The following TERF2IP variants were observed in gnomAD, a reference collection of about 807,000 sequenced individuals.
TERF2IP encodes the protein TERF2 interacting protein.
TERF2IP carries 35 observed loss-of-function variants against 33.3 expected under a neutral mutation model. The ratio of observed to expected loss-of-function variants is 1.05; its 90% CI spans 0.80 to 1.39. The LOEUF is 1.39. Among genes scored for constraint, TERF2IP ranks in the 40% most tolerant of loss-of-function variants. The pLI, the probability that TERF2IP is intolerant of heterozygous loss-of-function variation, is 0.00. For missense variants in TERF2IP, 583 were observed against 524.8 expected (o/e 1.11, Z -1.08); for synonymous variants, 253 against 223.2 (o/e 1.13, Z -1.19).
At position 75,647,935 on chromosome 16, in the gene TERF2IP, C is replaced by G; in HGVS notation, c.53C>G (p.Ser18Trp). The part of the protein sequence containing the change: ...GKDPNGPTHS[S>W]TLFVRDDGSS... ...GACCCCAACGGGCCCACCCATTCCT[C>G]GACTCTGTTCGTGAGGGACGACGGC... Residue 18 changes from serine (S) to tryptophan (W), a missense_variant, in exon 1 of 3, where the codon TCG (serine) becomes TGG (tryptophan). By Grantham distance (177) the Ser-to-Trp change is radical. Coordinates refer to ENST00000300086, the MANE Select transcript of TERF2IP (RefSeq NM_018975.4). 1 of 1,612,898 alleles carries G rather than the reference C, an allele frequency of 6.2e-7. No individual in the cohort carries two copies. The highest frequency in any genetic ancestry group is 1.1e-5 in the South Asian group (1 of 91,044).
rs34359798 is a variant in TERF2IP, at chr16:75,654,148, TA to T, written c.671-100del. 81,297 of 288,726 alleles carry T rather than the reference TA, an allele frequency of 0.28. 9,293 individuals are homozygous for T. Among genetic ancestry groups the T allele is most frequent in the Non-Finnish European group, 0.31 (60,099 of 195,776 alleles). The allele number at this position is 288,726 out of a possible 1,614,324, so 17.9% of individuals were successfully genotyped here. On this transcript the variant is annotated intron_variant, in intron 1 of 2. Coordinates refer to ENST00000300086, the MANE Select transcript of TERF2IP (RefSeq NM_018975.4). ...ATCAAGAACAGATGTCTTCTGATAG[TA>T]AAAAAAAAAAAAAAAAAAAAAAAAG...
Position 75,648,235 on chromosome 16 carries a change from T to G in TERF2IP, c.353T>G (p.Leu118Arg). ...GGCTCGGAAGCAAAGCCCGGGGCCC[T>G]GGCCGAGGGCGCCGCGGAGCCGGAG... ...DTGSEAKPGA[L>R]AEGAAEPEPQ... Residue 118 changes from leucine to arginine, a missense_variant, in exon 1 of 3, where the codon CTG (leucine) becomes CGG (arginine). Leu to Arg is a moderately radical substitution (Grantham distance 102). Transcript: ENST00000300086. 1.9e-6 allele frequency: 3 copies of G among 1,544,624 alleles called. No individual in the cohort carries two copies. Among genetic ancestry groups the G allele is most frequent in the Non-Finnish European group, 2.6e-6 (3 of 1,145,064 alleles).
In TERF2IP at chr16:75,647,912, C is replaced by T. The variant is rs2082311819; in HGVS notation, c.30C>T (p.Asp10=). MAEAMDLGK[D]PNGPTHSSTL... ...CGGAGGCGATGGATTTGGGCAAAGA[C>T]CCCAACGGGCCCACCCATTCCTCGA... Residue 10 remains aspartate, a synonymous_variant, in exon 1 of 3, where the codon GAC becomes GAT. Coordinates refer to ENST00000300086, the MANE Select transcript of TERF2IP (RefSeq NM_018975.4). 3 of 1,609,156 alleles carry T rather than the reference C, an allele frequency of 1.9e-6. No homozygotes were observed. The highest frequency in any genetic ancestry group is 1.7e-5 in the Admixed American group (1 of 59,704).
At chr16:75,649,543 C>CAAA (rs5817958) in intron 1 of TERF2IP, among the ~76,000 whole-genome samples, 103 of 136,460 alleles carry the variant, frequency 7.5e-4, no homozygotes, top group African/African-American at 2.5e-3. Context: ...GACTCCATCT[C>CAAA]AAAAAAAAAA....
intron 1 of TERF2IP, among the ~76,000 whole-genome samples, 198 bp from the exon 2 acceptor site, chr16:75,654,075 A>G (rs1185367958): frequency 6.6e-6 from 1 of 151,314 alleles, no homozygotes; most frequent in South Asian, 2.1e-4. Flanking sequence ...AGAAGCAAGC[A>G]TAGAAATGGG....
At chr16:75,652,118 G>A (rs1174707925) in intron 1 of TERF2IP, among the ~76,000 whole-genome samples, 2 of 152,100 alleles carry the variant, frequency 1.3e-5, no homozygotes, top group Admixed American at 6.5e-5. Context: ...TATACTCAGA[G>A]TACAAATGGG....
intron 1 of TERF2IP, among the ~76,000 whole-genome samples, chr16:75,653,781 A>G (rs1048540575): frequency 6.6e-6 from 1 of 152,236 alleles, no homozygotes; most frequent in Non-Finnish European, 1.5e-5. Flanking sequence ...TCCTAGCTCC[A>G]GAGTTGCCCA....
In TERF2IP at chr16:75,648,169, T is replaced by A; in HGVS notation, c.287T>A (p.Leu96Gln). 6.4e-7 allele frequency: 1 copy of A among 1,564,930 alleles called. No individual in the cohort carries two copies. Among genetic ancestry groups the A allele is most frequent in the Non-Finnish European group, 8.6e-7 (1 of 1,157,618 alleles). ...GTGGAGCGCAACGAGAGGCTGGAGC[T>A]GGAGGCCTATCGGCTGGGCCCCGCC... ...DCVERNERLE[L>Q]EAYRLGPASA... The change falls in exon 1 of 3, where the codon CTG becomes CAG. Residue 96 changes from leucine (L) to glutamine (Q), a missense_variant. Leu to Gln is a moderately radical substitution (Grantham distance 113). Transcript: ENST00000300086.
rs755256067 is a variant in TERF2IP, at chr16:75,648,516, A to G, written c.634A>G (p.Lys212Glu). ...VSPSSQKLKR[K>E]AEEDPEAADS... ...CCCCTCCTCCCAGAAGCTCAAGCGG[A>G]AGGCGGAGGAGGACCCGGAGGCCGC... Residue 212 changes from lysine to glutamate, a missense_variant, in exon 1 of 3, where the codon AAG becomes GAG. Transcript: ENST00000300086. 1.7e-5 allele frequency: 27 copies of G among 1,577,860 alleles called. No individual in the cohort carries two copies. Among genetic ancestry groups the G allele is most frequent in the African/African-American group, 2.7e-5 (2 of 74,490 alleles).
At chr16:75,653,711 A>G (rs1055368671) in intron 1 of TERF2IP, among the ~76,000 whole-genome samples, 1 of 152,086 alleles carries the variant, frequency 6.6e-6, no homozygotes. Flanking sequence ...CCAGTGACTG[A>G]TATTTGCAGA....
chr16:75,648,904 C>T (rs1474612163), intron 1 of TERF2IP, among the ~76,000 whole-genome samples: 2 of 151,866 alleles, frequency 1.3e-5, no homozygotes, highest in African/African-American at 2.4e-5. Context: ...CTCCGTCGCC[C>T]AGGCTGTGAT....
At chr16:75,648,737 T>A in intron 1 of TERF2IP, 185 bp downstream of exon 1, 1 of 1,415,112 alleles carries the variant, frequency 7.1e-7, no homozygotes, top group South Asian at 1.6e-5. Flanking sequence ...ATTATTGTTC[T>A]TTTTTTGCGA....
chr16:75,654,142 T>A, intron 1 of TERF2IP, 131 bp from the exon 2 acceptor site: 1 of 746,516 alleles, frequency 1.3e-6, no homozygotes, highest in Non-Finnish European at 1.9e-6. Context: ...AGATGTCTTC[T>A]GATAGTAAAA....
intron 1 of TERF2IP, among the ~76,000 whole-genome samples, chr16:75,651,817 G>C (rs183541556): frequency 3.3e-5 from 5 of 152,290 alleles, no homozygotes; most frequent in African/African-American, 1.2e-4. Context: ...GTATTTATTT[G>C]ATGAATTGAG....
intron 1 of TERF2IP, among the ~76,000 whole-genome samples, chr16:75,651,344 G>A (rs2082345686): frequency 6.6e-6 from 1 of 151,848 alleles, no homozygotes; most frequent in African/African-American, 2.4e-5. Context: ...CCCAGAAAAG[G>A]AAATAAATAA....
Position 75,656,536 on chromosome 16 carries a change from G to A in TERF2IP, c.1125G>A (p.Glu375=), listed in dbSNP as rs771869751. Residue 375 remains glutamate, a synonymous_variant, in exon 3 of 3, where the codon GAG becomes GAA. Coordinates refer to ENST00000300086, the MANE Select transcript of TERF2IP (RefSeq NM_018975.4). ...QDDIDLQKDD[E]DTREALVKKF... ...ACATAGATTTGCAAAAAGATGATGAGGATACCAGAGAGGCATTGGTCAAAA... is the reference window on the plus strand; with the variant it reads ...ACATAGATTTGCAAAAAGATGATGAAGATACCAGAGAGGCATTGGTCAAAA... 1 of 1,614,128 alleles carries A rather than the reference G, an allele frequency of 6.2e-7. No homozygotes were observed. Among genetic ancestry groups the A allele is most frequent in the Non-Finnish European group, 8.5e-7 (1 of 1,180,000 alleles).
In TERF2IP at chr16:75,651,012, C is replaced by T. The variant is rs112236180; in HGVS notation, c.670+2460C>T. Among the ~76,000 whole-genome samples, 747 of 152,180 alleles carry T rather than the reference C, an allele frequency of 4.9e-3. 4 individuals are homozygous for T. Among genetic ancestry groups the T allele is most frequent in the Non-Finnish European group, 7.9e-3 (535 of 68,016 alleles). On this transcript the variant is annotated intron_variant, in intron 1 of 2. Coordinates refer to ENST00000300086, the MANE Select transcript of TERF2IP (RefSeq NM_018975.4). ...TAAGAGAAGATATGAATGAATATAT[C>T]AGTATGGTGGGAGTTGCTCTGAACC...
chr16:75,648,400 C>A lies in TERF2IP; in HGVS notation c.518C>A (p.Thr173Lys), dbSNP rs755128141. The A allele has an allele frequency of 1.2e-6, 2 of 1,607,464 alleles. No individual in the cohort carries two copies. Residue 173 changes from threonine to lysine, a missense_variant, in exon 1 of 3, where the codon ACG becomes AAG. Coordinates refer to ENST00000300086, the MANE Select transcript of TERF2IP (RefSeq NM_018975.4). Reference protein sequence around the residue: ...LWKAMEKSSLTQHSWQSLKDR... With the variant: ...LWKAMEKSSLKQHSWQSLKDR... ...AAAGCGATGGAGAAGAGCTCGCTCA[C>A]GCAGCACTCGTGGCAGTCCCTGAAG...
At chr16:75,653,853 C>T (rs918369023) in intron 1 of TERF2IP, among the ~76,000 whole-genome samples, 2 of 152,168 alleles carry the variant, frequency 1.3e-5, no homozygotes, top group Non-Finnish European at 2.9e-5. Flanking sequence ...CTGCCCACTC[C>T]TGCTCTTCCA....
Sources: allele counts gnomAD v4.1 joint callset (sites outside exome capture counted in the v4.1 genomes callset), GRCh38; gene constraint gnomAD v4.1.1; transcripts MANE v1.5; gene names NCBI Gene and HGNC (gene_info 2026-07-23, HGNC 2026-07-21).